The following TAF1B variants were observed in gnomAD, a reference collection of about 807,000 sequenced individuals.
The protein encoded by TAF1B is TATA-box binding protein associated factor, RNA polymerase I subunit B, also known as TATA box-binding protein-associated factor RNA polymerase I subunit B.
In TAF1B, 61 loss-of-function variants were observed where a neutral mutation model predicts 83.9. That is an observed-to-expected ratio of 0.73 (90% confidence interval 0.59 to 0.90). The LOEUF is 0.90. TAF1B is among the 40% of genes least tolerant of loss of function. TAF1B has a pLI of 0.00. For missense variants in TAF1B, 625 were observed against 677.0 expected (o/e 0.92, Z 0.85); for synonymous variants, 221 against 224.6 (o/e 0.98, Z 0.14).
In TAF1B at chr2:9,914,565, C is replaced by T. The variant is rs1265457530; in HGVS notation, c.1271+1316C>T. Among the ~76,000 whole-genome samples, 2 of 152,152 alleles carry T rather than the reference C, an allele frequency of 1.3e-5. No individual in the cohort carries two copies. Among genetic ancestry groups the T allele is most frequent in the Non-Finnish European group, 2.9e-5 (2 of 68,028 alleles). On this transcript the variant is annotated intron_variant, in intron 12 of 14. Transcript: ENST00000263663. This position sits in a 1 kb window ranked among gnomAD's most constrained non-coding sequence, Gnocchi z 4.3. Reference sequence around the variant, plus strand: ...TCCTTACCCCAAGCCAGACACCAACCTACACTTTAAACATAGCTCTTGGAG... The same window carrying T: ...TCCTTACCCCAAGCCAGACACCAACTTACACTTTAAACATAGCTCTTGGAG...
At chr2:9,864,815 A>G (rs1663911575) in intron 5 of TAF1B, among the ~76,000 whole-genome samples, 2 of 152,186 alleles carry the variant, frequency 1.3e-5, no homozygotes, top group South Asian at 2.1e-4. Context: ...AATCCAGCAT[A>G]TAAACAGAAC....
intron 1 of TAF1B, chr2:9,843,850 GC>G: frequency 4.3e-6 from 1 of 234,720 alleles, no homozygotes; most frequent in South Asian, 9.3e-5. Context: ...TTGTGGGGTG[GC>G]CACCCACAGG....
chr2:9,895,120 G>A (rs978321595), intron 8 of TAF1B, among the ~76,000 whole-genome samples: 1 of 152,194 alleles, frequency 6.6e-6, no homozygotes, highest in Admixed American at 6.5e-5. Context: ...TTCTAAAAAG[G>A]CCTCATCCTC....
In TAF1B at chr2:9,849,433, CG is replaced by C; in HGVS notation, c.183del (p.Asn66ThrfsTer26). On this transcript the variant is annotated frameshift_variant, in exon 3 of 15. Transcript: ENST00000263663. LOFTEE classifies it high-confidence loss of function. ...IPNTQIKALN[R>X]GLKKKNNTEK... Reference sequence around the variant, plus strand: ...TAATACCCAAATAAAAGCCCTCAACCGGGGGCTTAAAAAAAAAAACAATACT... The same window carrying C: ...TAATACCCAAATAAAAGCCCTCAACCGGGGCTTAAAAAAAAAAACAATACT... 6.3e-7 allele frequency: 1 copy of C among 1,579,280 alleles called. No individual in the cohort carries two copies. Among genetic ancestry groups the C allele is most frequent in the Non-Finnish European group, 8.6e-7 (1 of 1,165,382 alleles).
intron 14 of TAF1B, among the ~76,000 whole-genome samples, chr2:9,921,412 G>A (rs779465343): frequency 6.6e-6 from 1 of 152,152 alleles, no homozygotes; most frequent in Non-Finnish European, 1.5e-5. Flanking sequence ...ATATGACTCA[G>A]AAAATTTCCT....
chr2:9,868,215 A>G (rs1419129013), intron 5 of TAF1B, 61 bp from the exon 6 acceptor site: 2 of 1,567,256 alleles, frequency 1.3e-6, no homozygotes, highest in Non-Finnish European at 1.7e-6. Context: ...GTTTAAGTTC[A>G]CAGAAATTAA....
intron 14 of TAF1B, among the ~76,000 whole-genome samples, chr2:9,933,203 C>G (rs1206501621): frequency 6.6e-6 from 1 of 152,212 alleles, no homozygotes; most frequent in Non-Finnish European, 1.5e-5. Flanking sequence ...GAACCAGGTA[C>G]CTCAGCTGGA....
intron 9 of TAF1B, among the ~76,000 whole-genome samples, chr2:9,909,318 C>G (rs1412432829): frequency 6.6e-6 from 1 of 152,220 alleles, no homozygotes; most frequent in Non-Finnish European, 1.5e-5. Context: ...TGCTTTAGCA[C>G]TCAGAAGAGG....
chr2:9,925,394 T>C (rs12991487), intron 14 of TAF1B, among the ~76,000 whole-genome samples: 77,285 of 151,466 alleles, frequency 0.51, 22,764 homozygotes, highest in Non-Finnish European at 0.68. Flanking sequence ...GAGCCAAGAT[T>C]GTGCCACTGC....
rs759089203 is a variant in TAF1B, at chr2:9,919,099, T to C, written c.1330T>C (p.Tyr444His). The change falls in exon 13 of 15, where the codon TAT (tyrosine) becomes CAT (histidine). Residue 444 changes from tyrosine to histidine, a missense_variant. Coordinates refer to ENST00000263663, the MANE Select transcript of TAF1B (RefSeq NM_005680.3). ...YYSFVDKPVA[Y>H]KKREMVVNLQ... ...CTCATTTGTCGACAAACCAGTAGCA[T>C]ATAAAAAAAGAGGTAAGTCAAATTT... The C allele has an allele frequency of 6.2e-7, 1 of 1,613,930 alleles. No individual in the cohort carries two copies. The highest frequency in any genetic ancestry group is 1.7e-5 in the Admixed American group (1 of 59,930).
chr2:9,844,785 G>C (rs1663147412), intron 1 of TAF1B, among the ~76,000 whole-genome samples: 1 of 152,150 alleles, frequency 6.6e-6, no homozygotes, highest in Non-Finnish European at 1.5e-5. Flanking sequence ...CCCTTATGCT[G>C]CCGAGTGAAT....
At chr2:9,880,426 C>CT (rs6146620) in intron 7 of TAF1B, among the ~76,000 whole-genome samples, 14,935 of 73,738 alleles carry the variant, frequency 0.2, 824 homozygotes, top group Non-Finnish European at 0.25. Flanking sequence ...GAGTAAGCAG[C>CT]TTTTTTTTTT....
At chr2:9,884,404 A>G (rs1007659080) in intron 8 of TAF1B, among the ~76,000 whole-genome samples, 1 of 152,200 alleles carries the variant, frequency 6.6e-6, no homozygotes, top group African/African-American at 2.4e-5. Context: ...CAACTGTTTT[A>G]GCCTTGCCAT....
chr2:9,899,540 G>A (rs1665119665), intron 8 of TAF1B, among the ~76,000 whole-genome samples: 1 of 152,150 alleles, frequency 6.6e-6, no homozygotes, highest in Non-Finnish European at 1.5e-5. Flanking sequence ...TGTGAGCAGT[G>A]CCAGTAGGAA....
chr2:9,908,416 T>TG (rs1342983649), intron 9 of TAF1B, among the ~76,000 whole-genome samples: 3 of 152,148 alleles, frequency 2.0e-5, no homozygotes, highest in African/African-American at 7.2e-5. Context: ...AATACTAATA[T>TG]GGTTTTGATT....
At chr2:9,897,125 G>C (rs570641002) in intron 8 of TAF1B, among the ~76,000 whole-genome samples, 2 of 152,268 alleles carry the variant, frequency 1.3e-5, no homozygotes, top group East Asian at 3.9e-4. Flanking sequence ...TTACCTGGTA[G>C]AATAAACTGA....
chr2:9,856,751 T>C (rs374669828), intron 5 of TAF1B, among the ~76,000 whole-genome samples: 71 of 152,338 alleles, frequency 4.7e-4, no homozygotes, highest in African/African-American at 1.6e-3. Context: ...TGTAAAGCAA[T>C]ATTAGCATCA....
At chr2:9,890,711 A>C (rs1664843761) in intron 8 of TAF1B, among the ~76,000 whole-genome samples, 1 of 152,198 alleles carries the variant, frequency 6.6e-6, no homozygotes, top group Non-Finnish European at 1.5e-5. Flanking sequence ...CATCAAGCTA[A>C]TTAACATGTC....
chr2:9,890,770 CTTATT>C (rs750702270), intron 8 of TAF1B, among the ~76,000 whole-genome samples: 87 of 152,140 alleles, frequency 5.7e-4, no homozygotes, highest in Admixed American at 2.0e-3. Flanking sequence ...AATTTACTCT[CTTATT>C]TTATTTTTTT....
Sources: gnomAD v4.1 joint callset for allele counts (sites outside exome capture counted in the v4.1 genomes callset) on GRCh38, gnomAD v4.1.1 for gene constraint, Gnocchi (gnomAD v3.1) non-coding constraint, MANE v1.5 for transcripts, NCBI Gene and HGNC (gene_info 2026-07-23, HGNC 2026-07-21) for gene names.